Variants in ELOVL7 observed in about 807,000 individuals in gnomAD.
ELOVL7 encodes the protein ELOVL fatty acid elongase 7.
ELOVL7 carries 27 observed loss-of-function variants against 35.7 expected under a neutral mutation model. The ratio of observed to expected loss-of-function variants is 0.76; its 90% CI spans 0.56 to 1.04. The LOEUF (loss-of-function observed/expected upper bound fraction) is 1.04, where lower values mean the gene tolerates loss of function less well. Among genes scored for constraint, ELOVL7 ranks in the 50% least tolerant of loss-of-function variants. The pLI is 0.00. For missense variants in ELOVL7, 327 were observed against 340.8 expected, an observed-to-expected ratio of 0.96 and a Z score of 0.32; for synonymous variants, 113 against 114.6, an observed-to-expected ratio of 0.99 and a Z score of 0.09.
At chr5:60,800,215 T>C (rs1002809708) in intron 1 of ELOVL7, among the ~76,000 whole-genome samples, 1 of 152,026 alleles carries the variant, frequency 6.6e-6, no homozygotes, top group East Asian at 1.9e-4. Context: ...TTGATGAACA[T>C]ACTGGCAAAA....
chr5:60,817,848 GTATA>G (rs763735182), intron 1 of ELOVL7, among the ~76,000 whole-genome samples: 21 of 143,184 alleles, frequency 1.5e-4, no homozygotes, highest in Middle Eastern at 3.8e-3. Context: ...GTGTGTGTGT[GTATA>G]TATATATATA....
intron 1 of ELOVL7, among the ~76,000 whole-genome samples, chr5:60,821,215 AC>A (rs1745864462): frequency 6.6e-6 from 1 of 152,180 alleles, no homozygotes; most frequent in South Asian, 2.1e-4. Flanking sequence ...GCCTACAGTT[AC>A]TAAAAAGTCT....
chr5:60,822,385 T>C (rs1030952532), intron 1 of ELOVL7, among the ~76,000 whole-genome samples: 2 of 152,198 alleles, frequency 1.3e-5, no homozygotes, highest in African/African-American at 4.8e-5. Flanking sequence ...AGAATCCCCT[T>C]AGTGCAAGCT....
chr5:60,781,095 A>G (rs536039993), intron 3 of ELOVL7, among the ~76,000 whole-genome samples: 1 of 152,176 alleles, frequency 6.6e-6, no homozygotes, highest in East Asian at 1.9e-4. Flanking sequence ...CTGTAATCAC[A>G]GCTATCTGGG....
chr5:60,754,866 A>G (rs902477221), intron 8 of ELOVL7, 33 bp from the exon 9 acceptor site: 3 of 1,579,652 alleles, frequency 1.9e-6, no homozygotes, highest in Non-Finnish European at 2.6e-6. Context: ...AAAATTATTC[A>G]GATATGAAGA....
intron 2 of ELOVL7, among the ~76,000 whole-genome samples, chr5:60,797,671 C>A (rs1412086411): frequency 1.3e-5 from 2 of 152,300 alleles, no homozygotes; most frequent in Non-Finnish European, 2.9e-5. Flanking sequence ...ATTGCCTGGG[C>A]AGAGTTGGGA....
Position 60,772,097 on chromosome 5 carries a change from A to G in ELOVL7, c.65-4T>C. 1.3e-6 allele frequency: 2 copies of G among 1,598,084 alleles called. No homozygotes were observed. Among genetic ancestry groups the G allele is most frequent in the Non-Finnish European group, 1.7e-6 (2 of 1,172,232 alleles). The stretch of plus-strand genomic sequence containing the variant: ...AGCCAATCTTCAACTCTTGGATCTA[A>G]GAGAAAAACAATATGTGAGTACACA... On this transcript the variant is annotated splice_region_variant and splice_polypyrimidine_tract_variant and intron_variant, in intron 3 of 8. Transcript: ENST00000508821.
intron 1 of ELOVL7, among the ~76,000 whole-genome samples, chr5:60,818,243 G>A (rs775389773): frequency 1.3e-5 from 2 of 149,160 alleles, no homozygotes; most frequent in African/African-American, 4.9e-5. Context: ...GCTTGAACCC[G>A]GGAGGCGGAA....
chr5:60,775,014 T>G lies in ELOVL7; in HGVS notation c.65-2921A>C, dbSNP rs112536486. Among the ~76,000 whole-genome samples the G allele has an allele frequency of 6.1e-4, 93 of 152,266 alleles. 1 individual carries two copies. Among genetic ancestry groups the G allele is most frequent in the African/African-American group, 2.2e-3 (92 of 41,546 alleles). ...CTCCTGACCTCGTGATCTGCCCACG[T>G]TGGCCTCCCAAAGTGCTGGGATTAC... On this transcript the variant is annotated intron_variant, in intron 3 of 8. Coordinates refer to ENST00000508821, the MANE Select transcript of ELOVL7 (RefSeq NM_024930.3).
At chr5:60,762,594 T>G (rs962246959) in intron 7 of ELOVL7, among the ~76,000 whole-genome samples, 8 of 152,200 alleles carry the variant, frequency 5.3e-5, no homozygotes, top group Admixed American at 4.6e-4. Flanking sequence ...TTTGGGATAT[T>G]GCCTTCCAAT....
intron 7 of ELOVL7, among the ~76,000 whole-genome samples, chr5:60,763,619 T>A (rs551048761): frequency 6.6e-6 from 1 of 152,202 alleles, no homozygotes; most frequent in Non-Finnish European, 1.5e-5. Context: ...ATGCTTGATG[T>A]TCAGAAGCCT....
intron 7 of ELOVL7, among the ~76,000 whole-genome samples, chr5:60,761,067 T>C (rs1241669763): frequency 1.3e-5 from 2 of 152,192 alleles, no homozygotes; most frequent in Non-Finnish European, 1.5e-5. Flanking sequence ...TTTTAATTAA[T>C]AATGTTTTTT....
intron 1 of ELOVL7, among the ~76,000 whole-genome samples, chr5:60,818,177 G>A (rs570240968): frequency 1.3e-5 from 2 of 151,848 alleles, no homozygotes; most frequent in South Asian, 4.2e-4. Flanking sequence ...AATTAGCTGG[G>A]TGTGGTGGCG....
intron 1 of ELOVL7, among the ~76,000 whole-genome samples, chr5:60,810,594 T>C (rs1745187045): frequency 6.6e-6 from 1 of 152,246 alleles, no homozygotes; most frequent in African/African-American, 2.4e-5. Flanking sequence ...TAACCAGTAC[T>C]GATATTCCAC....
intron 1 of ELOVL7, among the ~76,000 whole-genome samples, chr5:60,807,843 CA>C (rs70977805): frequency 0.098 from 14,868 of 151,216 alleles, 971 homozygotes; most frequent in South Asian, 0.2. Context: ...ACTAAAAATA[CA>C]AAAAGTTAGC....
intron 2 of ELOVL7, among the ~76,000 whole-genome samples, chr5:60,798,561 A>T (rs1744404686): frequency 6.6e-6 from 1 of 152,192 alleles, no homozygotes; most frequent in Non-Finnish European, 1.5e-5. Context: ...AAAAAAAATT[A>T]TTTTCTTATA....
At chr5:60,761,934 T>G (rs570634770) in intron 7 of ELOVL7, among the ~76,000 whole-genome samples, 2 of 152,212 alleles carry the variant, frequency 1.3e-5, no homozygotes, top group South Asian at 4.2e-4. Context: ...CTGATTCTCC[T>G]TCTGTAAGAT....
Position 60,813,069 on chromosome 5 carries a change from T to C in ELOVL7, c.-85-13839A>G, listed in dbSNP as rs1052273255. Among the ~76,000 whole-genome samples, 17 of 152,346 alleles carry C rather than the reference T, an allele frequency of 1.1e-4. No homozygotes were observed. The East Asian group carries it at 2.7e-3, about 24-fold the overall frequency. On this transcript the variant is annotated intron_variant, in intron 1 of 8. Coordinates refer to ENST00000508821, the MANE Select transcript of ELOVL7 (RefSeq NM_024930.3). Reference sequence around the variant, plus strand: ...GCCAATAAACATTATAATTTGGATATTCCACCATCACAGGAAGCCTAACTA... The same window carrying C: ...GCCAATAAACATTATAATTTGGATACTCCACCATCACAGGAAGCCTAACTA...
chr5:60,791,140 C>T (rs1265252708), intron 2 of ELOVL7, among the ~76,000 whole-genome samples: 1 of 152,112 alleles, frequency 6.6e-6, no homozygotes, highest in Admixed American at 6.5e-5. Flanking sequence ...CCATGCCTAG[C>T]TAATTGTTTT....
Sources: gnomAD v4.1 joint callset for allele counts (sites outside exome capture counted in the v4.1 genomes callset) on GRCh38, gnomAD v4.1.1 for gene constraint, MANE v1.5 for transcripts, NCBI Gene and HGNC (gene_info 2026-07-23, HGNC 2026-07-21) for gene names.